RAB36: variants seen among roughly 807,000 people sequenced by gnomAD.
RAB36 encodes the protein ras-related protein Rab-36.
RAB36 carries 33 observed loss-of-function variants against 39.3 expected under a neutral mutation model. The ratio of observed to expected loss-of-function variants is 0.84; its 90% CI spans 0.64 to 1.12. RAB36 has a LOEUF of 1.12. Ranked by LOEUF, RAB36 falls within the 50% of genes most tolerant of loss-of-function variation. RAB36 has a pLI of 0.00. For missense variants in RAB36, 308 were observed against 355.3 expected, an observed-to-expected ratio of 0.87 and a Z score of 1.07; for synonymous variants, 133 against 140.2, an observed-to-expected ratio of 0.95 and a Z score of 0.36.
rs897694559 is a variant in RAB36, at chr22:23,164,681, G to C, written c.*3117G>C. ...CAGCCAAGGTGCGGCAATGACCACAGTGACCGCGTCCAAGTGCTGCCGAAA... is the reference window on the plus strand; with the variant it reads ...CAGCCAAGGTGCGGCAATGACCACACTGACCGCGTCCAAGTGCTGCCGAAA... On this transcript the variant is annotated 3_prime_UTR_variant, in exon 11 of 11. Coordinates refer to ENST00000263116, the MANE Select transcript of RAB36 (RefSeq NM_004914.5). Among the ~76,000 whole-genome samples the C allele has an allele frequency of 6.6e-6, 1 of 152,204 alleles. No individual in the cohort carries two copies. Among genetic ancestry groups the C allele is most frequent in the South Asian group, 2.1e-4 (1 of 4,828 alleles).
Position 23,153,070 on chromosome 22 carries a change from A to T in RAB36, c.265A>T (p.Thr89Ser). The part of the protein sequence containing the change: ...KNVFDRDYKA[T>S]IGVDFEIERF... Reference sequence around the variant, plus strand: ...TGTTTTTGATCGAGACTACAAGGCCACCATTGGGGTGGACTTTGAAATTGA... The same window carrying T: ...TGTTTTTGATCGAGACTACAAGGCCTCCATTGGGGTGGACTTTGAAATTGA... Residue 89 changes from threonine to serine, a missense_variant, in exon 5 of 11, where the codon ACC (threonine) becomes TCC (serine). Coordinates refer to ENST00000263116, the MANE Select transcript of RAB36 (RefSeq NM_004914.5). 1 of 1,614,144 alleles carries T rather than the reference A, an allele frequency of 6.2e-7. No homozygotes were observed. Among genetic ancestry groups the T allele is most frequent in the Non-Finnish European group, 8.5e-7 (1 of 1,180,012 alleles).
intron 9 of RAB36, 128 bp from the exon 10 acceptor site, chr22:23,160,751 A>G (rs2071733619): frequency 7.7e-7 from 1 of 1,297,332 alleles, no homozygotes; most frequent in Non-Finnish European, 1.1e-6. Context: ...GGTCATTGTT[A>G]CTGTCAGGGT....
downstream of RAB36, among the ~76,000 whole-genome samples, chr22:23,166,749 CAA>C (rs2072059022): frequency 6.6e-6 from 1 of 152,126 alleles, no homozygotes; most frequent in Non-Finnish European, 1.5e-5. Flanking sequence ...CCTTGGATCC[CAA>C]GAGGGCGAGG....
downstream of RAB36, among the ~76,000 whole-genome samples, chr22:23,168,361 G>A (rs1419388350): frequency 1.3e-5 from 2 of 152,302 alleles, no homozygotes; most frequent in East Asian, 3.9e-4. Flanking sequence ...GCAACCAAGG[G>A]AGCCCAGGAC....
intron 3 of RAB36, 25 bp from the exon 4 acceptor site, chr22:23,152,436 G>A (rs762863723): frequency 5.0e-6 from 8 of 1,613,750 alleles, no homozygotes; most frequent in East Asian, 2.2e-5. Flanking sequence ...CATGCCCGAC[G>A]GCAACACGGC....
At position 23,162,606 on chromosome 22, in the gene RAB36, G is replaced by T. The variant is rs2071868106; in HGVS notation, c.*1042G>T. ...ACAGAAATACCCCACACATTCCCCA[G>T]CCTCTCTGCCCAGTATGCTCATCCA... On this transcript the variant is annotated 3_prime_UTR_variant, in exon 11 of 11. Coordinates refer to ENST00000263116, the MANE Select transcript of RAB36 (RefSeq NM_004914.5). The T allele has an allele frequency of 2.2e-6, 1 of 455,164 alleles. No individual in the cohort carries two copies. The highest frequency in any genetic ancestry group is 4.4e-6 in the Non-Finnish European group (1 of 226,164). The allele number at this position is 455,164 out of a possible 1,614,324, so 28.2% of individuals were successfully genotyped here. A position where few individuals can be genotyped will look rare whatever the true frequency, so the allele number is the denominator to read the frequency against.
Position 23,152,887 on chromosome 22 carries a change from G to GC in RAB36, c.228-143dup, listed in dbSNP as rs372653202. ...TTTCCCCACATTGTCCTTGCTGGCTGCCCTGCCCACCCATGGCCTGCGTGG... is the reference window on the plus strand; with the variant it reads ...TTTCCCCACATTGTCCTTGCTGGCTGCCCCTGCCCACCCATGGCCTGCGTGG... On this transcript the variant is annotated intron_variant, in intron 4 of 10. Transcript: ENST00000263116. The GC allele has an allele frequency of 1.4e-3, 891 of 659,324 alleles. 9 individuals carry two copies. The highest frequency in any genetic ancestry group is 0.013 in the African/African-American group (709 of 55,820). 40.8% of individuals were successfully genotyped at this position (659,324 alleles called of 1,614,324 possible).
rs1357125841 is a variant in RAB36 at position 23,152,463 on chromosome 22, T to G, written c.164T>G (p.Leu55Arg). 6.2e-7 allele frequency: 1 copy of G among 1,614,154 alleles called. No homozygotes were observed. The highest frequency in any genetic ancestry group is 1.1e-5 in the South Asian group (1 of 91,084). Reference protein sequence around the residue: ...CQRRNTGTVGLKLSKVVVVGD... With the variant: ...CQRRNTGTVGRKLSKVVVVGD... ...CAACACGGCCATATTTCTCACAGGC[T>G]CAAACTCTCCAAGGTGGTGGTGGTT... The change falls in exon 4 of 11, where the codon CTC becomes CGC. Residue 55 changes from leucine to arginine, a missense_variant and splice_region_variant. Coordinates refer to ENST00000263116, the MANE Select transcript of RAB36 (RefSeq NM_004914.5).
chr22:23,152,531 A>C lies in RAB36; in HGVS notation c.227+5A>C. 1.9e-6 allele frequency: 3 copies of C among 1,613,978 alleles called. No homozygotes were observed. The highest frequency in any genetic ancestry group is 2.5e-6 in the Non-Finnish European group (3 of 1,179,876). Reference sequence around the variant, plus strand: ...GAAGACCAGCCTCATCCACAGGTACAAGGCTTCCTCTGCCCCTTTGGCCAC... The same window carrying C: ...GAAGACCAGCCTCATCCACAGGTACCAGGCTTCCTCTGCCCCTTTGGCCAC... On this transcript the variant is annotated splice_donor_5th_base_variant and intron_variant, in intron 4 of 10. Coordinates refer to ENST00000263116, the MANE Select transcript of RAB36 (RefSeq NM_004914.5).
At chr22:23,149,690 A>G (rs764125089) in intron 2 of RAB36, among the ~76,000 whole-genome samples, 19 of 152,152 alleles carry the variant, frequency 1.2e-4, no homozygotes, top group Non-Finnish European at 2.1e-4. Context: ...GGCATGTACT[A>G]CTGCACCTGG....
At chr22:23,159,052 G>A in intron 8 of RAB36, 73 bp downstream of exon 8, 1 of 1,585,796 alleles carries the variant, frequency 6.3e-7, no homozygotes, top group Non-Finnish European at 8.6e-7. Flanking sequence ...CATTGGAGGA[G>A]CCATGGGGAG....
At position 23,161,804 on chromosome 22, in the gene RAB36, A is replaced by C. The variant is rs893846015; in HGVS notation, c.*240A>C. On this transcript the variant is annotated 3_prime_UTR_variant, in exon 11 of 11. Transcript: ENST00000263116. ...CCTGGGAGCCCCACACCACCGGGCC[A>C]GTGCAGGCACTGTGGTGATCCCATA... The C allele has an allele frequency of 3.7e-6, 2 of 536,112 alleles. No homozygotes were observed. Among genetic ancestry groups the C allele is most frequent in the Non-Finnish European group, 6.7e-6 (2 of 296,722 alleles). 33.2% of individuals were successfully genotyped at this position (536,112 alleles called of 1,614,324 possible). A position where few individuals can be genotyped will look rare whatever the true frequency, so the allele number is the denominator to read the frequency against.
chr22:23,168,723 CCT>C (rs1312429131), downstream of RAB36, among the ~76,000 whole-genome samples: 1 of 152,150 alleles, frequency 6.6e-6, no homozygotes, highest in African/African-American at 2.4e-5. Context: ...CCAGGCACCC[CCT>C]CAGTATTCAG....
At chr22:23,154,551 G>T (rs1330552186) in intron 5 of RAB36, among the ~76,000 whole-genome samples, 4 of 152,198 alleles carry the variant, frequency 2.6e-5, no homozygotes, top group Non-Finnish European at 5.9e-5. Flanking sequence ...GGCCAGTGGG[G>T]GTAGCTGAGG....
chr22:23,158,835 C>A, intron 7 of RAB36, 63 bp from the exon 8 acceptor site: 1 of 1,484,288 alleles, frequency 6.7e-7, no homozygotes, highest in East Asian at 2.3e-5. Flanking sequence ...CAAGTGTGCC[C>A]TCTGCCCCCT....
Position 23,159,184 on chromosome 22 carries a change from G to T in RAB36, c.550G>T (p.Ala184Ser). Residue 184 changes from alanine to serine, a missense_variant, in exon 9 of 11, where the codon GCC (alanine) becomes TCC (serine). By Grantham distance (99) the Ala-to-Ser change is moderately conservative. Coordinates refer to ENST00000263116, the MANE Select transcript of RAB36 (RefSeq NM_004914.5). ...CCAGTCAGGGGCCGCATGTGAGCAG[G>T]CCGAAGCAGACGCTGTGCACCTGGC... Reference protein sequence around the residue: ...DLLSGAACEQAEADAVHLARE... With the variant: ...DLLSGAACEQSEADAVHLARE... 1 of 1,611,258 alleles carries T rather than the reference G, an allele frequency of 6.2e-7. No homozygotes were observed.
chr22:23,160,166 G>C (rs926363943), intron 9 of RAB36, among the ~76,000 whole-genome samples: 24 of 152,170 alleles, frequency 1.6e-4, no homozygotes, highest in African/African-American at 5.1e-4. Context: ...CTGAGGGTTG[G>C]CGTCACAAGT....
intron 2 of RAB36, among the ~76,000 whole-genome samples, chr22:23,147,279 ATAT>A (rs985386029): frequency 1.3e-5 from 2 of 152,162 alleles, no homozygotes; most frequent in African/African-American, 4.8e-5. Context: ...GCAGTGGACA[ATAT>A]TTACCAATAT....
intron 4 of RAB36, among the ~76,000 whole-genome samples, 165 bp downstream of exon 4, chr22:23,152,691 G>A (rs750383905): frequency 8.1e-4 from 124 of 152,200 alleles, no homozygotes; most frequent in Non-Finnish European, 1.3e-3. Context: ...GCAAGAAATC[G>A]GGGAGATGGC....
Sources: allele counts gnomAD v4.1 joint callset (sites outside exome capture counted in the v4.1 genomes callset), GRCh38; gene constraint gnomAD v4.1.1; transcripts MANE v1.5; gene names NCBI Gene and HGNC (gene_info 2026-07-23, HGNC 2026-07-21).